The following SEMA3A variants were observed in gnomAD, a reference collection of about 807,000 sequenced individuals.
SEMA3A encodes the protein semaphorin 3A.
A neutral mutation model predicts 97.9 loss-of-function variants in SEMA3A; 29 were observed. That is an observed-to-expected ratio of 0.30 (90% confidence interval 0.22 to 0.40). The LOEUF (loss-of-function observed/expected upper bound fraction) is 0.40, where lower values mean the gene tolerates loss of function less well. Among genes scored for constraint, SEMA3A ranks in the 10% least tolerant of loss-of-function variants. SEMA3A has a pLI of 1.00. For missense variants in SEMA3A, 763 were observed against 951.3 expected, an observed-to-expected ratio of 0.80 and a Z score of 2.60; for synonymous variants, 321 against 323.7, an observed-to-expected ratio of 0.99 and a Z score of 0.09.
chr7:84,415,934 G>A (rs775120839), intron 1 of SEMA3A, among the ~76,000 whole-genome samples: 10 of 151,730 alleles, frequency 6.6e-5, no homozygotes, highest in African/African-American at 1.7e-4. Flanking sequence ...TTAGGGATAC[G>A]GCACCAAAAT....
Position 84,271,574 on chromosome 7 carries a change from GT to G in SEMA3A, c.-83+35632del, listed in dbSNP as rs1800154397. Among the ~76,000 whole-genome samples the G allele has an allele frequency of 6.6e-5, 10 of 152,184 alleles. No homozygotes were observed. In the South Asian group the frequency reaches 2.1e-3, roughly 32 times the overall value. On this transcript the variant is annotated intron_variant, in intron 3 of 3. Transcript: ENST00000424555. ...CAGCCTTATAGAGCCATGTTATCTG[GT>G]TTCTGACAACTGTTATAAACCCGTT...
intron 1 of SEMA3A, among the ~76,000 whole-genome samples, chr7:84,375,028 T>C (rs953651537): frequency 6.6e-6 from 1 of 152,180 alleles, no homozygotes; most frequent in Admixed American, 6.5e-5. Flanking sequence ...ATTTTATTTT[T>C]TATTTTTTTG....
chr7:84,449,389 G>C (rs868748026), intron 1 of SEMA3A, among the ~76,000 whole-genome samples: 1 of 151,988 alleles, frequency 6.6e-6, no homozygotes, highest in African/African-American at 2.4e-5. Flanking sequence ...GACAAACATA[G>C]AGAACAATCA....
chr7:84,299,551 G>T (rs970852547), intron 3 of SEMA3A, among the ~76,000 whole-genome samples: 1 of 151,130 alleles, frequency 6.6e-6, no homozygotes, highest in Non-Finnish European at 1.5e-5. Context: ...CCACCCAACA[G>T]AGTACTTTCA....
intron 2 of SEMA3A, among the ~76,000 whole-genome samples, chr7:84,367,156 G>C (rs770567518): frequency 1.3e-5 from 2 of 151,286 alleles, no homozygotes; most frequent in Non-Finnish European, 1.5e-5. Flanking sequence ...ATTGGGGCTA[G>C]AGTAGAAGTA....
chr7:84,196,180 G>A (rs1334179163), upstream of SEMA3A, among the ~76,000 whole-genome samples: 2 of 149,068 alleles, frequency 1.3e-5, no homozygotes, highest in Non-Finnish European at 3.0e-5. Context: ...AACTTCAATA[G>A]TAGGGAAACT....
intron 3 of SEMA3A, among the ~76,000 whole-genome samples, chr7:84,284,052 GT>G (rs1235056538): frequency 6.6e-6 from 1 of 152,072 alleles, no homozygotes; most frequent in East Asian, 1.9e-4. Context: ...GAATGAAGCT[GT>G]TATGGTTATC....
intron 1 of SEMA3A, among the ~76,000 whole-genome samples, chr7:84,425,481 A>G (rs1310026656): frequency 7.1e-6 from 1 of 141,662 alleles, no homozygotes; most frequent in Non-Finnish European, 1.5e-5. Flanking sequence ...ATATTTATAT[A>G]AAAATATAAT....
chr7:84,069,613 A>C lies in SEMA3A; in HGVS notation c.454-9055T>G, dbSNP rs1032272943. Reference sequence around the variant, plus strand: ...GAAGATAATTGAAAAGGTTTCATGAAAAAATAATTTAAATTAGAAAAAGTA... The same window carrying C: ...GAAGATAATTGAAAAGGTTTCATGACAAAATAATTTAAATTAGAAAAAGTA... On this transcript the variant is annotated intron_variant, in intron 4 of 16. Transcript: ENST00000265362. 2.0e-5 allele frequency among the ~76,000 whole-genome samples: 3 copies of C among 152,244 alleles called. No individual in the cohort carries two copies. In the East Asian group the frequency reaches 5.8e-4, roughly 29 times the overall value.
chr7:84,130,904 A>G (rs11975593), intron 2 of SEMA3A, among the ~76,000 whole-genome samples: 1,994 of 152,178 alleles, frequency 0.013, 27 homozygotes, highest in African/African-American at 0.031. Flanking sequence ...AAAAATATAT[A>G]TACTTAAAAA....
chr7:84,472,763 T>A (rs1348834453), intron 1 of SEMA3A, among the ~76,000 whole-genome samples: 1 of 152,160 alleles, frequency 6.6e-6, no homozygotes, highest in South Asian at 2.1e-4. Context: ...CAGAAGAACA[T>A]AATCCCACTA....
intron 4 of SEMA3A, among the ~76,000 whole-genome samples, chr7:84,095,178 A>C (rs531849611): frequency 1.4e-5 from 2 of 147,306 alleles, no homozygotes; most frequent in South Asian, 2.1e-4. Flanking sequence ...ATATCTCTCT[A>C]TATATTGCTA....
At chr7:84,355,488 G>A (rs1409286130) in intron 2 of SEMA3A, among the ~76,000 whole-genome samples, 1 of 151,782 alleles carries the variant, frequency 6.6e-6, no homozygotes, top group Admixed American at 6.6e-5. Flanking sequence ...ACTGCACAGA[G>A]AAAGAAGAGT....
chr7:84,010,177 G>T lies in SEMA3A; in HGVS notation c.995+845C>A, dbSNP rs1293920093. 2.6e-5 allele frequency among the ~76,000 whole-genome samples: 4 copies of T among 151,954 alleles called. No individual in the cohort carries two copies. The East Asian group carries it at 7.7e-4, about 29-fold the overall frequency. ...AAAAAAGTAGATTTTTTTACAAAGA[G>T]AATCTATTTACTGACTTAAAAAGCT... is the stretch of plus-strand genomic sequence containing the variant. On this transcript the variant is annotated intron_variant, in intron 9 of 16. Transcript: ENST00000265362.
At chr7:84,335,653 T>A (rs1470118281) in intron 2 of SEMA3A, among the ~76,000 whole-genome samples, 1 of 152,114 alleles carries the variant, frequency 6.6e-6, no homozygotes, top group East Asian at 1.9e-4. Context: ...TAAATTATAA[T>A]TAATAATAAG....
At chr7:84,352,511 C>A (rs531837701) in intron 2 of SEMA3A, among the ~76,000 whole-genome samples, 1 of 151,508 alleles carries the variant, frequency 6.6e-6, no homozygotes, top group African/African-American at 2.4e-5. Flanking sequence ...AGTATATGCA[C>A]CTACTATGTA....
chr7:84,070,129 A>G (rs1394461983), intron 4 of SEMA3A, among the ~76,000 whole-genome samples: 1 of 151,326 alleles, frequency 6.6e-6, no homozygotes, highest in African/African-American at 2.4e-5. Context: ...GGGCTGAAAG[A>G]GTTTTCACTG....
chr7:84,245,960 C>T (rs905994600), intron 3 of SEMA3A, among the ~76,000 whole-genome samples: 1 of 152,186 alleles, frequency 6.6e-6, no homozygotes, highest in Admixed American at 6.5e-5. Context: ...CCATAGCCGC[C>T]CCTTTCCCCA....
chr7:84,065,127 G>A (rs562071352), intron 4 of SEMA3A, among the ~76,000 whole-genome samples: 142 of 138,424 alleles, frequency 1.0e-3, no homozygotes, highest in African/African-American at 3.3e-3. Context: ...ACTCAAAACC[G>A]CTCAACTACA....
Sources: gnomAD v4.1 joint callset for allele counts (sites outside exome capture counted in the v4.1 genomes callset) on GRCh38, gnomAD v4.1.1 for gene constraint, MANE v1.5 for transcripts, NCBI Gene and HGNC (gene_info 2026-07-23, HGNC 2026-07-21) for gene names.